The following RAPH1 variants were observed in gnomAD, a reference collection of about 807,000 sequenced individuals.
RAPH1 encodes Ras association (RalGDS/AF-6) and pleckstrin homology domains 1.
In RAPH1, 18 loss-of-function variants were observed where a neutral mutation model predicts 88.1. That is an observed-to-expected ratio of 0.20 (90% CI 0.14 to 0.30). The LOEUF (loss-of-function observed/expected upper bound fraction) is 0.30. Ranked by LOEUF, RAPH1 falls within the 10% of genes least tolerant of loss-of-function variation. The pLI is 1.00. For missense variants in RAPH1, 1,448 were observed against 1,543.2 expected, an observed-to-expected ratio of 0.94 and a Z score of 1.03; for synonymous variants, 587 against 559.0, an observed-to-expected ratio of 1.05 and a Z score of -0.71.
At position 203,440,895 on chromosome 2, in the gene RAPH1, T is replaced by C. The variant is rs868179231; in HGVS notation, c.2295A>G (p.Pro765=). The change falls in exon 14 of 14, where the codon CCA becomes CCG. Residue 765 remains proline, a synonymous_variant. Coordinates refer to ENST00000319170, the MANE Select transcript of RAPH1 (RefSeq NM_213589.3). ...ITQVAPPTPP[P]PPPIPAPLPP... ...GGAGGGGTGCAGGGATAGGAGGAGG[T>C]GGGGGGGGTGTTGGGGGAGCCACCT... is the stretch of plus-strand genomic sequence containing the variant. 4 of 220,810 alleles carry C rather than the reference T, an allele frequency of 1.8e-5. No homozygotes were observed. The highest frequency in any genetic ancestry group is 2.5e-4 in the East Asian group (2 of 8,014). 13.7% of individuals were successfully genotyped at this position (220,810 alleles called of 1,614,324 possible).
At chr2:203,472,916 T>C (rs2098534386) in intron 4 of RAPH1, among the ~76,000 whole-genome samples, 3 of 152,130 alleles carry the variant, frequency 2.0e-5, no homozygotes, top group South Asian at 4.1e-4. Flanking sequence ...GACACAGAAA[T>C]AGAAGTCCAT....
Position 203,480,764 on chromosome 2 carries a change from A to G in RAPH1, c.732+8820T>C, listed in dbSNP as rs951728340. Among the ~76,000 whole-genome samples the G allele has an allele frequency of 3.9e-5, 6 of 152,278 alleles. No individual in the cohort carries two copies. The South Asian group carries it at 1.2e-3, about 32-fold the overall frequency. On this transcript the variant is annotated intron_variant, in intron 4 of 13. Transcript: ENST00000319170. ...ATAGATTTCCATCATCTTTACTGAC[A>G]CACGTATGCATTTTCCACAAATAGT... is the stretch of plus-strand genomic sequence containing the variant.
chr2:203,497,311 T>C (rs1457817467), intron 1 of RAPH1, among the ~76,000 whole-genome samples: 2 of 152,186 alleles, frequency 1.3e-5, no homozygotes, highest in African/African-American at 4.8e-5. Flanking sequence ...TCTTTATATA[T>C]TACCCAGTCT....
intron 1 of RAPH1, among the ~76,000 whole-genome samples, chr2:203,513,627 G>GGA (rs200669569): frequency 0.012 from 1,761 of 150,594 alleles, 31 homozygotes; most frequent in Middle Eastern, 0.049. Flanking sequence ...CTTGAGGTCA[G>GGA]GAGTTCGAGA....
At chr2:203,470,160 T>G in intron 4 of RAPH1, 1 of 895,948 alleles carries the variant, frequency 1.1e-6, no homozygotes, top group Non-Finnish European at 1.7e-6. Context: ...AATAATAATA[T>G]AAGAGCATGA....
chr2:203,479,610 A>C (rs1336856370), intron 4 of RAPH1, among the ~76,000 whole-genome samples: 2 of 152,032 alleles, frequency 1.3e-5, no homozygotes, highest in African/African-American at 4.8e-5. Flanking sequence ...TGACTCAAAA[A>C]AAAAAAAAAA....
chr2:203,492,774 CT>C (rs34762923), intron 2 of RAPH1, among the ~76,000 whole-genome samples: 93,457 of 144,820 alleles, frequency 0.65, 29,873 homozygotes, highest in Middle Eastern at 0.77. Flanking sequence ...ATAATGCTAT[CT>C]TTTTTTTTTT....
chr2:203,457,929 T>C (rs957160074), intron 7 of RAPH1, among the ~76,000 whole-genome samples: 7 of 152,240 alleles, frequency 4.6e-5, no homozygotes, highest in African/African-American at 1.7e-4. Flanking sequence ...CTGAAAGGTT[T>C]AGAAATTCAT....
chr2:203,488,797 G>A (rs1688109087), intron 4 of RAPH1, among the ~76,000 whole-genome samples: 1 of 151,770 alleles, frequency 6.6e-6, no homozygotes, highest in South Asian at 2.1e-4. Flanking sequence ...ATACCTGGTG[G>A]CCCTTTCCAA....
At chr2:203,499,840 T>C (rs1346493038) in intron 1 of RAPH1, among the ~76,000 whole-genome samples, 1 of 152,228 alleles carries the variant, frequency 6.6e-6, no homozygotes, top group Non-Finnish European at 1.5e-5. Flanking sequence ...TGATGAACCT[T>C]ATTCTCCAAT....
intron 1 of RAPH1, among the ~76,000 whole-genome samples, chr2:203,508,376 G>A (rs1386416559): frequency 6.6e-5 from 10 of 152,068 alleles, no homozygotes; most frequent in Non-Finnish European, 1.2e-4. Flanking sequence ...CAGGTGATCC[G>A]CCTGCCTCGG....
chr2:203,522,712 G>A (rs889099769), intron 1 of RAPH1, among the ~76,000 whole-genome samples: 1 of 151,780 alleles, frequency 6.6e-6, no homozygotes, highest in Non-Finnish European at 1.5e-5. Flanking sequence ...GACCAGCCTG[G>A]CCAACATCGT....
chr2:203,443,148 G>A (rs2098505811), intron 13 of RAPH1: 1 of 152,094 alleles, frequency 6.6e-6, no homozygotes, highest in Admixed American at 6.5e-5. Flanking sequence ...CTTCCCTGCG[G>A]GAGCCCAGTT....
chr2:203,489,773 G>A lies in RAPH1; in HGVS notation c.543C>T (p.Pro181=). The part of the protein sequence containing the change: ...AQQSVLEDTK[P]LVTNQHRRTA... ...TTCTTCTGTGCTGATTAGTTACTAA[G>A]GGTTTAGTATCTTCTAGTACAGATT... Residue 181 remains proline (P), a synonymous_variant, in exon 4 of 14, where the codon CCC becomes CCT. Transcript: ENST00000319170. 1.2e-6 allele frequency: 2 copies of A among 1,614,088 alleles called. No homozygotes were observed. Among genetic ancestry groups the A allele is most frequent in the Non-Finnish European group, 1.7e-6 (2 of 1,179,920 alleles).
chr2:203,490,835 G>C (rs891507132), intron 3 of RAPH1, among the ~76,000 whole-genome samples: 24 of 152,006 alleles, frequency 1.6e-4, no homozygotes, highest in African/African-American at 5.8e-4. Flanking sequence ...CTGAGGTCAG[G>C]AGTTCGAGAC....
At chr2:203,522,127 A>C (rs1365535737) in intron 1 of RAPH1, among the ~76,000 whole-genome samples, 4 of 152,210 alleles carry the variant, frequency 2.6e-5, no homozygotes, top group African/African-American at 9.6e-5. Context: ...ACAAGCCAAA[A>C]GAATTGTGCC....
chr2:203,433,957 T>G lies in RAPH1; in HGVS notation c.*5480A>C, dbSNP rs887335510. On this transcript the variant is annotated 3_prime_UTR_variant, in exon 14 of 14. Coordinates refer to ENST00000319170, the MANE Select transcript of RAPH1 (RefSeq NM_213589.3). ...AGTTTACTGACATAACTGGCAAGAG[T>G]AACTTGGAAAATAACTTAATCCAGC... 40 of 152,008 alleles carry G rather than the reference T, an allele frequency of 2.6e-4. No individual in the cohort carries two copies. Among genetic ancestry groups the G allele is most frequent in the African/African-American group, 9.2e-4 (38 of 41,230 alleles). 9.4% of individuals were successfully genotyped at this position (152,008 alleles called of 1,614,324 possible). A position where few individuals can be genotyped will look rare whatever the true frequency, so the allele number is the denominator to read the frequency against.
chr2:203,480,437 A>G (rs754448833), intron 4 of RAPH1, among the ~76,000 whole-genome samples: 2 of 152,190 alleles, frequency 1.3e-5, no homozygotes, highest in African/African-American at 2.4e-5. Flanking sequence ...AGTCACAGCT[A>G]CTAGGGAGGC....
rs141900809 is a variant in RAPH1, at chr2:203,531,261, G to C, written c.-1+3850C>G. Reference sequence around the variant, plus strand: ...TTTAAAACTTTTGTGTTTGGGGAGTGGGGGGCTGGGGGAGGGATAGCACTA... The same window carrying C: ...TTTAAAACTTTTGTGTTTGGGGAGTCGGGGGCTGGGGGAGGGATAGCACTA... On this transcript the variant is annotated intron_variant, in intron 1 of 13. Coordinates refer to ENST00000319170, the MANE Select transcript of RAPH1 (RefSeq NM_213589.3). 5.0e-3 allele frequency among the ~76,000 whole-genome samples: 754 copies of C among 152,218 alleles called. 2 individuals are homozygous for C. The highest frequency in any genetic ancestry group is 8.0e-3 in the Non-Finnish European group (544 of 68,014).
Sources: gnomAD v4.1 joint callset for allele counts (sites outside exome capture counted in the v4.1 genomes callset) on GRCh38, gnomAD v4.1.1 for gene constraint, MANE v1.5 for transcripts, NCBI Gene and HGNC (gene_info 2026-07-23, HGNC 2026-07-21) for gene names.